The following YME1L1 variants were observed in gnomAD, a reference collection of about 807,000 sequenced individuals.
YME1L1 encodes ATP-dependent zinc metalloprotease YME1L1.
Under a neutral mutation model 90.4 loss-of-function variants are expected in YME1L1, and 39 were observed. That is an observed-to-expected ratio of 0.43 (90% CI 0.33 to 0.56). YME1L1 has a LOEUF of 0.56. Ranked by LOEUF, YME1L1 falls within the 20% of genes least tolerant of loss-of-function variation. The pLI, the probability that YME1L1 is intolerant of heterozygous loss-of-function variation, is 0.03. For missense variants in YME1L1, 617 were observed against 868.4 expected (o/e 0.71, Z 3.64); for synonymous variants, 284 against 287.3 (o/e 0.99, Z 0.12).
chr10:27,127,668 G>A (rs1273297974), intron 8 of YME1L1, among the ~76,000 whole-genome samples: 1 of 152,140 alleles, frequency 6.6e-6, no homozygotes, highest in Non-Finnish European at 1.5e-5. Context: ...TTCAAAAATA[G>A]GGAAAATTCA....
Position 27,154,306 on chromosome 10 carries a change from T to G in YME1L1, c.-96A>C. The stretch of plus-strand genomic sequence containing the variant: ...GGCGCTGAGCCCTTCTTTTTTCCTT[T>G]TTCTCCGACCCGTTGCCCCTCACTC... On this transcript the variant is annotated 5_prime_UTR_variant, in exon 1 of 19. Transcript: ENST00000376016. 1 of 1,458,914 alleles carries G rather than the reference T, an allele frequency of 6.9e-7. No individual in the cohort carries two copies. 90.4% of individuals were successfully genotyped at this position (1,458,914 alleles called of 1,614,324 possible).
At chr10:27,117,174 T>C (rs1391659837) in intron 15 of YME1L1, among the ~76,000 whole-genome samples, 2 of 152,216 alleles carry the variant, frequency 1.3e-5, no homozygotes, top group African/African-American at 4.8e-5. Flanking sequence ...TTGAAAGATC[T>C]GATAAACTTG....
intron 10 of YME1L1, 84 bp from the exon 11 acceptor site, chr10:27,123,057 A>G: frequency 6.7e-7 from 1 of 1,493,844 alleles, no homozygotes; most frequent in Non-Finnish European, 8.9e-7. Context: ...AATCCTATAC[A>G]ACTGTCAAAA....
At chr10:27,126,354 G>A (rs1041432029) in intron 9 of YME1L1, among the ~76,000 whole-genome samples, 1 of 151,974 alleles carries the variant, frequency 6.6e-6, no homozygotes, top group Non-Finnish European at 1.5e-5. Context: ...GCCTGAACTC[G>A]GGAGGTTGTG....
intron 1 of YME1L1, among the ~76,000 whole-genome samples, chr10:27,152,071 G>GT: frequency 6.6e-6 from 1 of 152,014 alleles, no homozygotes; most frequent in East Asian, 1.9e-4. Flanking sequence ...GTGAAGCAAT[G>GT]TATCATTTTT....
In YME1L1 at chr10:27,137,449, G is replaced by T. The variant is rs561267265; in HGVS notation, c.431-1064C>A. Among the ~76,000 whole-genome samples the T allele has an allele frequency of 1.2e-4, 19 of 152,216 alleles. No individual in the cohort carries two copies. In the East Asian group the frequency reaches 3.5e-3, roughly 28 times the overall value. On this transcript the variant is annotated intron_variant, in intron 4 of 18. Coordinates refer to ENST00000376016, the MANE Select transcript of YME1L1 (RefSeq NM_014263.4). ...TACTGTGGTGAACATTCTTATATAT[G>T]TATGTCAGCAGATGTAGACTGAATT... is the stretch of plus-strand genomic sequence containing the variant.
chr10:27,118,127 G>C (rs1036854187), intron 14 of YME1L1, among the ~76,000 whole-genome samples: 1 of 151,982 alleles, frequency 6.6e-6, no homozygotes, highest in Non-Finnish European at 1.5e-5. Flanking sequence ...ATCTGATATG[G>C]GATTAATATT....
rs1354699739 is a variant in YME1L1 at position 27,111,380 on chromosome 10, GAC to G, written c.*595_*596del. ...CCCTATTTTTTTGTATTTTAGTAGA[GAC>G]AGCGTTTCACCACGTTGGCCAGGCT... On this transcript the variant is annotated 3_prime_UTR_variant, in exon 19 of 19. Coordinates refer to ENST00000376016, the MANE Select transcript of YME1L1 (RefSeq NM_014263.4). 1.3e-5 allele frequency: 2 copies of G among 157,894 alleles called. No homozygotes were observed. The highest frequency in any genetic ancestry group is 6.3e-5 in the Admixed American group (1 of 15,814). 9.8% of individuals were successfully genotyped at this position (157,894 alleles called of 1,614,324 possible).
intron 7 of YME1L1, 24 bp downstream of exon 7, chr10:27,134,015 T>C (rs376675496): frequency 8.6e-5 from 129 of 1,502,564 alleles, no homozygotes; most frequent in Non-Finnish European, 1.1e-4. Flanking sequence ...AGAAATAAGT[T>C]AGACAAATAA....
Position 27,131,906 on chromosome 10 carries a change from C to T in YME1L1, c.811G>A (p.Val271Ile). ...ACATTTTTCATCTGGACAGGATCTA[C>T]TGCAGAATCAAGCCCTGTTGTTGTC... ...FRTTTGLDSA[V>I]DPVQMKNVTF... The change falls in exon 8 of 19, where the codon GTA becomes ATA. Residue 271 changes from valine (V) to isoleucine (I), a missense_variant. Coordinates refer to ENST00000376016, the MANE Select transcript of YME1L1 (RefSeq NM_014263.4). The T allele has an allele frequency of 6.2e-7, 1 of 1,613,386 alleles. No homozygotes were observed.
At chr10:27,128,730 T>C (rs1159719269) in intron 8 of YME1L1, among the ~76,000 whole-genome samples, 3 of 150,678 alleles carry the variant, frequency 2.0e-5, no homozygotes, top group Admixed American at 2.0e-4. Context: ...CGCAGCTAAA[T>C]CCCGACTCTA....
rs1176410261 is a variant in YME1L1, at chr10:27,136,216, G to A, written c.540+60C>T. The A allele has an allele frequency of 1.5e-5, 20 of 1,334,898 alleles. No individual in the cohort carries two copies. In the South Asian group the frequency reaches 1.7e-4, roughly 11 times the overall value. The allele number at this position is 1,334,898 out of a possible 1,614,324, so 82.7% of individuals were successfully genotyped here. A position where few individuals can be genotyped will look rare whatever the true frequency, so the allele number is the denominator to read the frequency against. On this transcript the variant is annotated intron_variant, in intron 5 of 18. Transcript: ENST00000376016. ...CCAACAAAAGAAATCAGATATTGAA[G>A]CTCCTCACTCTAACAACTTGAAAAT...
chr10:27,117,857 C>T (rs2056829385), intron 14 of YME1L1, 130 bp from the exon 15 acceptor site: 2 of 856,858 alleles, frequency 2.3e-6, no homozygotes, highest in South Asian at 3.8e-5. Context: ...TAGATTCAAC[C>T]AAATAAGGAT....
chr10:27,113,260 A>AAAAAAAAAAAAAAAAAAT (rs1564453902), intron 18 of YME1L1, among the ~76,000 whole-genome samples: 1 of 111,616 alleles, frequency 9.0e-6, no homozygotes, highest in African/African-American at 3.3e-5. Flanking sequence ...AAAAAAAAAA[A>AAAAAAAAAAAAAAAAAAT]AAAGACCTGC....
chr10:27,154,146 A>C, intron 1 of YME1L1, 32 bp downstream of exon 1: 3 of 1,574,280 alleles, frequency 1.9e-6, no homozygotes, highest in Non-Finnish European at 2.6e-6. Flanking sequence ...GCAGGGCGGG[A>C]GGAAAAAAAA....
At chr10:27,113,963 A>G (rs2056786700) in intron 18 of YME1L1, among the ~76,000 whole-genome samples, 1 of 152,078 alleles carries the variant, frequency 6.6e-6, no homozygotes, top group African/African-American at 2.4e-5. Context: ...AAAAAAAAAA[A>G]AAAATTTATT....
intron 1 of YME1L1, among the ~76,000 whole-genome samples, chr10:27,149,711 CAAAAA>C (rs58900380): frequency 0.011 from 349 of 32,368 alleles, 4 homozygotes; most frequent in Middle Eastern, 0.038. Context: ...ACCTGTCTCT[CAAAAA>C]AAAAAAAAAA....
chr10:27,140,429 C>T (rs577677500), intron 4 of YME1L1, among the ~76,000 whole-genome samples: 30 of 152,220 alleles, frequency 2.0e-4, no homozygotes, highest in Admixed American at 8.5e-4. Context: ...TCCATTCAGT[C>T]GTGAGACATT....
chr10:27,143,013 A>G (rs1308462969), intron 3 of YME1L1, among the ~76,000 whole-genome samples: 1 of 151,432 alleles, frequency 6.6e-6, no homozygotes, highest in Non-Finnish European at 1.5e-5. Context: ...CACTGTGCCC[A>G]GCCTACATTA....
Sources: gnomAD v4.1 joint callset for allele counts (sites outside exome capture counted in the v4.1 genomes callset) on GRCh38, gnomAD v4.1.1 for gene constraint, MANE v1.5 for transcripts, NCBI Gene and HGNC (gene_info 2026-07-23, HGNC 2026-07-21) for gene names.